DHX16: variants seen among roughly 807,000 people sequenced by gnomAD.
DHX16 encodes the protein DEAH-box helicase 16.
In DHX16, 81 loss-of-function variants were observed where a neutral mutation model predicts 131.2. The ratio of observed to expected loss-of-function variants is 0.62; its 90% CI spans 0.52 to 0.74. The LOEUF (loss-of-function observed/expected upper bound fraction) is 0.74, where lower values mean the gene tolerates loss of function less well. DHX16 is among the 30% of genes least tolerant of loss of function. DHX16 has a pLI of 0.00. For synonymous variants in DHX16, 440 were observed against 520.2 expected, an observed-to-expected ratio of 0.85 and a Z score of 2.10; for missense variants, 980 against 1,363.1, an observed-to-expected ratio of 0.72 and a Z score of 4.43.
rs1038319111 is a variant in DHX16, at chr6:30,654,623, A to G, written c.2997+83T>C. On this transcript the variant is annotated intron_variant, in intron 19 of 19. Coordinates refer to ENST00000376442, the MANE Select transcript of DHX16 (RefSeq NM_003587.5). ...TCCTCTTTCTGTACCAGTCCCAGCAACTTGAACCTGGGTTCTTAGCTTGCC... is the reference window on the plus strand; with the variant it reads ...TCCTCTTTCTGTACCAGTCCCAGCAGCTTGAACCTGGGTTCTTAGCTTGCC... The G allele has an allele frequency of 2.2e-6, 3 of 1,380,102 alleles. No individual in the cohort carries two copies. In the African/African-American group the frequency reaches 4.4e-5, roughly 20 times the overall value. The allele number at this position is 1,380,102 out of a possible 1,614,324, so 85.5% of individuals were successfully genotyped here.
At chr6:30,663,677 T>G (rs144916934) in intron 7 of DHX16, among the ~76,000 whole-genome samples, 1,383 of 136,086 alleles carry the variant, frequency 0.01, 6 homozygotes, top group Middle Eastern at 0.03. Context: ...GCCAAGATCA[T>G]GCCACCGCAC....
chr6:30,654,253 A>C (rs1767741513), intron 19 of DHX16, among the ~76,000 whole-genome samples: 1 of 152,040 alleles, frequency 6.6e-6, no homozygotes, highest in South Asian at 2.1e-4. Flanking sequence ...ATCTTGGAAG[A>C]TGCTGACACA....
In DHX16 at chr6:30,672,792, G is replaced by C. The variant is rs747391687; in HGVS notation, c.50C>G (p.Ser17Trp). 1 of 1,612,820 alleles carries C rather than the reference G, an allele frequency of 6.2e-7. No individual in the cohort carries two copies. The highest frequency in any genetic ancestry group is 1.7e-5 in the Admixed American group (1 of 60,000). Residue 17 changes from serine to tryptophan, a missense_variant, in exon 1 of 20, where the codon TCG (serine) becomes TGG (tryptophan). Physicochemically the swap from Ser to Trp is radical, Grantham distance 177. This residue lies in a region of DHX16 where 457 missense variants were observed against 554.8 expected (regional missense o/e 0.82). Coordinates refer to ENST00000376442, the MANE Select transcript of DHX16 (RefSeq NM_003587.5). The part of the protein sequence containing the change: ...LERWVQDELH[S>W]VLGLSERHVA... ...GTGCCGCTCGCTCAGCCCCAACACC[G>C]AGTGCAGCTCGTCCTGAACCCAGCG...
chr6:30,655,140 G>A, intron 18 of DHX16, 35 bp downstream of exon 18: 2 of 1,613,396 alleles, frequency 1.2e-6, no homozygotes, highest in Non-Finnish European at 1.7e-6. Context: ...GGAAGGTACT[G>A]GGGGTGGAAA....
intron 7 of DHX16, among the ~76,000 whole-genome samples, chr6:30,663,518 T>C (rs1368959702): frequency 6.8e-6 from 1 of 147,410 alleles, no homozygotes; most frequent in African/African-American, 2.5e-5. Flanking sequence ...GGTTGGGAGT[T>C]CGAGACCAGC....
chr6:30,654,478 A>G (rs563402831), intron 19 of DHX16, among the ~76,000 whole-genome samples: 1 of 152,246 alleles, frequency 6.6e-6, no homozygotes, highest in African/African-American at 2.4e-5. Context: ...TGAACCCCAG[A>G]GGCAGAGGTT....
chr6:30,653,707 T>C (rs929874338), intron 19 of DHX16, among the ~76,000 whole-genome samples: 1 of 149,254 alleles, frequency 6.7e-6, no homozygotes, highest in Non-Finnish European at 1.5e-5. Flanking sequence ...TCAAAAGTTA[T>C]CTTTCCTCTT....
Position 30,665,513 on chromosome 6 carries a change from T to C in DHX16, c.887A>G (p.Asn296Ser), listed in dbSNP as rs767458132. 95 of 1,612,910 alleles carry C rather than the reference T, an allele frequency of 5.9e-5. No homozygotes were observed. Among genetic ancestry groups the C allele is most frequent in the South Asian group, 2.5e-4 (23 of 91,086 alleles). The change falls in exon 5 of 20, where the codon AAT (asparagine) becomes AGT (serine). Residue 296 changes from asparagine (N) to serine (S), a missense_variant. Physicochemically the swap from Asn to Ser is conservative, Grantham distance 46. Coordinates refer to ENST00000376442, the MANE Select transcript of DHX16 (RefSeq NM_003587.5). This position sits in a 1 kb window ranked among gnomAD's most constrained non-coding sequence, Gnocchi z 4.8. ...AGEQEKLEAT[N>S]RYHMPKETRG... Reference sequence around the variant, plus strand: ...GGTTTCCTTGGGCATGTGGTAGCGATTGGTGGCCTCCAGCTTCTCCTGCTC... The same window carrying C: ...GGTTTCCTTGGGCATGTGGTAGCGACTGGTGGCCTCCAGCTTCTCCTGCTC...
intron 16 of DHX16, 64 bp from the exon 17 acceptor site, chr6:30,655,661 G>C (rs972139090): frequency 1.9e-6 from 3 of 1,572,246 alleles, no homozygotes; most frequent in African/African-American, 1.3e-5. Context: ...ATGGTGGAGT[G>C]GGGAGTGATC....
intron 19 of DHX16, among the ~76,000 whole-genome samples, chr6:30,653,757 T>C (rs1032429444): frequency 2.0e-5 from 3 of 152,182 alleles, no homozygotes; most frequent in Non-Finnish European, 4.4e-5. Context: ...GGCTCTATTA[T>C]TATATACCCA....
chr6:30,669,634 G>A (rs1431127716), intron 4 of DHX16, among the ~76,000 whole-genome samples: 1 of 149,216 alleles, frequency 6.7e-6, no homozygotes, highest in East Asian at 2.0e-4. Context: ...GTGTGCGCCT[G>A]TAATCCCAGC....
At chr6:30,664,543 C>T (rs1768830218) in intron 7 of DHX16, among the ~76,000 whole-genome samples, 1 of 151,174 alleles carries the variant, frequency 6.6e-6, no homozygotes, top group Admixed American at 6.6e-5. Context: ...GTTTTTTGGC[C>T]ACGTTGGAGC....
At chr6:30,667,994 T>G (rs1769200179) in intron 4 of DHX16, among the ~76,000 whole-genome samples, 1 of 152,216 alleles carries the variant, frequency 6.6e-6, no homozygotes, top group African/African-American at 2.4e-5. Flanking sequence ...ACTGCATTCT[T>G]GTTAGGAAAA....
At position 30,670,495 on chromosome 6, in the gene DHX16, G is replaced by A. The variant is rs1175467775; in HGVS notation, c.610-29C>T. On this transcript the variant is annotated intron_variant, in intron 3 of 19. Transcript: ENST00000376442. The surrounding 1 kb of genome is among the most constrained non-coding windows in gnomAD (Gnocchi z 4.4). ...GAAGAAAAAACAAGAATGGAGGGGT[G>A]TGAGGCCAAAGAGCCCCCACACTGA... 6 of 1,605,576 alleles carry A rather than the reference G, an allele frequency of 3.7e-6. No individual in the cohort carries two copies. The highest frequency in any genetic ancestry group is 5.1e-6 in the Non-Finnish European group (6 of 1,175,722).
At chr6:30,664,577 C>T (rs186820950) in intron 7 of DHX16, among the ~76,000 whole-genome samples, 11 of 152,020 alleles carry the variant, frequency 7.2e-5, no homozygotes, top group East Asian at 1.9e-4. Flanking sequence ...CATTTATACA[C>T]GCCCCACTCC....
intron 7 of DHX16, 28 bp downstream of exon 7, chr6:30,664,773 G>A: frequency 1.3e-6 from 2 of 1,589,828 alleles, no homozygotes; most frequent in Non-Finnish European, 1.7e-6. Context: ...CAGGTGCCCT[G>A]GCAAGCTGAA....
At chr6:30,672,335 AAAAG>A (rs889554172) in intron 1 of DHX16, among the ~76,000 whole-genome samples, 8 of 151,566 alleles carry the variant, frequency 5.3e-5, no homozygotes, top group South Asian at 2.1e-4. Flanking sequence ...AAAAAAAAAA[AAAAG>A]AAAGAAAGAA....
Position 30,659,486 on chromosome 6 carries a change from G to C in DHX16, c.1993C>G (p.Pro665Ala). 6.3e-7 allele frequency: 1 copy of C among 1,596,804 alleles called. No individual in the cohort carries two copies. The change falls in exon 12 of 20, where the codon CCT becomes GCT. Residue 665 changes from proline (P) to alanine (A), a missense_variant. Coordinates refer to ENST00000376442, the MANE Select transcript of DHX16 (RefSeq NM_003587.5). ...CTCCAACTGACCTTTCGTGCCCCAG[G>C]TGGTGTGGGCTGGAAGATACGGGCC... ...MQARIFQPTP[P>A]GARKVVVATN...
In DHX16 at chr6:30,659,845, G is replaced by A; in HGVS notation, c.1756-11C>T. 1 of 1,613,558 alleles carries A rather than the reference G, an allele frequency of 6.2e-7. No individual in the cohort carries two copies. Among genetic ancestry groups the A allele is most frequent in the African/African-American group, 1.3e-5 (1 of 75,046 alleles). On this transcript the variant is annotated splice_polypyrimidine_tract_variant and intron_variant, in intron 10 of 19. Transcript: ENST00000376442. ...GTCAGCCTCTGGAGCCTGGAGAGCAGAAAGAGATGGGGTCACAGGAGGGCC... is the reference window on the plus strand; with the variant it reads ...GTCAGCCTCTGGAGCCTGGAGAGCAAAAAGAGATGGGGTCACAGGAGGGCC...
Sources: gnomAD v4.1 joint callset for allele counts (sites outside exome capture counted in the v4.1 genomes callset) on GRCh38, gnomAD v4.1.1 for gene constraint, gnomAD v4.1.1 regional missense constraint, Gnocchi (gnomAD v3.1) non-coding constraint, MANE v1.5 for transcripts, NCBI Gene and HGNC (gene_info 2026-07-23, HGNC 2026-07-21) for gene names.